Variants in FAM20C observed in about 807,000 individuals in gnomAD.
FAM20C encodes extracellular serine/threonine protein kinase FAM20C.
In FAM20C, 40 loss-of-function variants were observed where a neutral mutation model predicts 51.5. That is an observed-to-expected ratio of 0.78 (90% CI 0.60 to 1.01). FAM20C has a LOEUF of 1.01. Among genes scored for constraint, FAM20C ranks in the 50% least tolerant of loss-of-function variants. The pLI, the probability that FAM20C is intolerant of heterozygous loss-of-function variation, is 0.00. For synonymous variants in FAM20C, 406 were observed against 380.6 expected, an observed-to-expected ratio of 1.07 and a Z score of -0.78; for missense variants, 861 against 844.7, an observed-to-expected ratio of 1.02 and a Z score of -0.24.
At chr7:220,799 C>T (rs1197246964) in intron 3 of FAM20C, among the ~76,000 whole-genome samples, 1 of 152,184 alleles carries the variant, frequency 6.6e-6, no homozygotes, top group Non-Finnish European at 1.5e-5. Context: ...AGGCCTGGGG[C>T]GGTCAGCTGC....
At chr7:251,074 C>T (rs913434515) in intron 5 of FAM20C, among the ~76,000 whole-genome samples, 3 of 152,222 alleles carry the variant, frequency 2.0e-5, no homozygotes, top group South Asian at 2.1e-4. Flanking sequence ...GCAGCATCTC[C>T]GGAACTCCTC....
At chr7:198,637 A>G (rs1785996113) in intron 2 of FAM20C, among the ~76,000 whole-genome samples, 1 of 152,200 alleles carries the variant, frequency 6.6e-6, no homozygotes, top group African/African-American at 2.4e-5. Context: ...TGCCTTTGTC[A>G]TCGAAATACC....
chr7:230,969 T>G (rs1169318107), intron 3 of FAM20C, among the ~76,000 whole-genome samples: 1 of 152,128 alleles, frequency 6.6e-6, no homozygotes, highest in Admixed American at 6.5e-5. Context: ...TCCCAGCTAC[T>G]CGGGAGGCTG....
chr7:194,335 G>A lies in FAM20C; in HGVS notation c.605+531G>A, dbSNP rs558788813. 2.5e-3 allele frequency among the ~76,000 whole-genome samples: 376 copies of A among 152,286 alleles called. 2 individuals carry two copies. The Middle Eastern group carries it at 0.034, about 14-fold the overall frequency. Reference sequence around the variant, plus strand: ...GGGCGGTGGGTGTGCTGGCTGCAAAGAGATGATGGCTCGATAAAGGGCGAG... The same window carrying A: ...GGGCGGTGGGTGTGCTGGCTGCAAAAAGATGATGGCTCGATAAAGGGCGAG... On this transcript the variant is annotated intron_variant, in intron 1 of 9. Transcript: ENST00000313766.
At chr7:222,010 GC>G (rs1309759538) in intron 3 of FAM20C, among the ~76,000 whole-genome samples, 2 of 96,734 alleles carry the variant, frequency 2.1e-5, no homozygotes, top group African/African-American at 7.5e-5. Flanking sequence ...AGGGCAGGGG[GC>G]TGCAGGAGCC....
At chr7:196,589 C>G (rs575870050) in intron 2 of FAM20C, among the ~76,000 whole-genome samples, 1 of 152,314 alleles carries the variant, frequency 6.6e-6, no homozygotes, top group Non-Finnish European at 1.5e-5. Flanking sequence ...GCAGGGCTTT[C>G]TTTGCGCTGT....
chr7:202,139 AGATG>A (rs1406520084), intron 2 of FAM20C, among the ~76,000 whole-genome samples: 1 of 152,236 alleles, frequency 6.6e-6, no homozygotes, highest in African/African-American at 2.4e-5. Flanking sequence ...AGAGCGTTCC[AGATG>A]GGGAGAACCT....
At chr7:200,733 C>T (rs1430986360) in intron 2 of FAM20C, among the ~76,000 whole-genome samples, 1 of 152,202 alleles carries the variant, frequency 6.6e-6, no homozygotes, top group Non-Finnish European at 1.5e-5. Flanking sequence ...GCGAAAGTGT[C>T]CTGAGGGTGG....
rs1788677453 is a variant in FAM20C at position 257,976 on chromosome 7, TAG to T, written c.1446-669_1446-668del. The stretch of plus-strand genomic sequence containing the variant: ...GACCCACTGCCTGAGGTGCTGGAGA[TAG>T]GCAGTGTGGACCCACTGCCTGGGGT... On this transcript the variant is annotated intron_variant, in intron 8 of 9. Transcript: ENST00000313766. Among the ~76,000 whole-genome samples the T allele has an allele frequency of 6.6e-5, 6 of 90,398 alleles. No homozygotes were observed. In the East Asian group the frequency reaches 1.3e-3, roughly 19 times the overall value. 59.3% of individuals were successfully genotyped at this position (90,398 alleles called of 152,430 possible). A position where few individuals can be genotyped will look rare whatever the true frequency, so the allele number is the denominator to read the frequency against.
At position 193,482 on chromosome 7, in the gene FAM20C, A is replaced by G. The variant is rs2115035114; in HGVS notation, c.283A>G (p.Ser95Gly). 1 of 1,498,846 alleles carries G rather than the reference A, an allele frequency of 6.7e-7. No homozygotes were observed. Among genetic ancestry groups the G allele is most frequent in the South Asian group, 1.3e-5 (1 of 79,836 alleles). The allele number at this position is 1,498,846 out of a possible 1,614,324, so 92.8% of individuals were successfully genotyped here. A position where few individuals can be genotyped will look rare whatever the true frequency, so the allele number is the denominator to read the frequency against. Reference sequence around the variant, plus strand: ...CACGCTCCGCATCCTGCAGGACTTCAGCTCCGACCCCTCCTCCAACCTCTC... The same window carrying G: ...CACGCTCCGCATCCTGCAGGACTTCGGCTCCGACCCCTCCTCCAACCTCTC... ...KHTLRILQDF[S>G]SDPSSNLSSH... Residue 95 changes from serine (S) to glycine (G), a missense_variant, in exon 1 of 10, where the codon AGC (serine) becomes GGC (glycine). Around this residue, in one of 3 missense-constraint regions of FAM20C, gnomAD observed 561 missense variants for 499.8 expected, o/e 1.12. Coordinates refer to ENST00000313766, the MANE Select transcript of FAM20C (RefSeq NM_020223.4).
chr7:215,225 A>T (rs1027958095), intron 3 of FAM20C, among the ~76,000 whole-genome samples: 1 of 71,716 alleles, frequency 1.4e-5, no homozygotes, highest in Non-Finnish European at 3.9e-5. Context: ...TAGAGGCTCC[A>T]GCTGGGGGGG....
intron 3 of FAM20C, among the ~76,000 whole-genome samples, chr7:240,742 C>G (rs992478401): frequency 1.3e-4 from 20 of 152,202 alleles, no homozygotes; most frequent in African/African-American, 4.8e-4. Context: ...GGGCCCTCTC[C>G]CCTTGAGTCC....
intron 3 of FAM20C, among the ~76,000 whole-genome samples, chr7:237,604 A>G (rs968023151): frequency 1.3e-5 from 2 of 151,668 alleles, no homozygotes; most frequent in Non-Finnish European, 1.5e-5. Context: ...TGATGGAGGT[A>G]ATGGTGATGG....
At chr7:206,885 C>T (rs1218609617) in intron 2 of FAM20C, among the ~76,000 whole-genome samples, 2 of 53,748 alleles carry the variant, frequency 3.7e-5, no homozygotes, top group Admixed American at 3.3e-4. Context: ...GCCCCGCACA[C>T]GTGTCCACTG....
At chr7:212,784 C>G (rs1411283566) in intron 3 of FAM20C, among the ~76,000 whole-genome samples, 7 of 152,264 alleles carry the variant, frequency 4.6e-5, no homozygotes, top group African/African-American at 1.7e-4. Flanking sequence ...TATTTACGTT[C>G]TTTTTTTAAA....
chr7:259,898 G>T lies in FAM20C; in HGVS notation c.1673G>T (p.Arg558Leu). 4 of 1,535,650 alleles carry T rather than the reference G, an allele frequency of 2.6e-6. No homozygotes were observed. Among genetic ancestry groups the T allele is most frequent in the Non-Finnish European group, 2.6e-6 (3 of 1,146,356 alleles). The change falls in exon 10 of 10, where the codon CGG (arginine) becomes CTG (leucine). Residue 558 changes from arginine (R) to leucine (L), a missense_variant. Coordinates refer to ENST00000313766, the MANE Select transcript of FAM20C (RefSeq NM_020223.4). Reference sequence around the variant, plus strand: ...CTCCGCGTCGTGCTAAAGGCCGTCCGGGACTGCGTGGAGAGGAACGGGCTC... The same window carrying T: ...CTCCGCGTCGTGCTAAAGGCCGTCCTGGACTGCGTGGAGAGGAACGGGCTC... ...RRLRVVLKAV[R>L]DCVERNGLHS...
At chr7:201,571 T>C (rs1786128704) in intron 2 of FAM20C, among the ~76,000 whole-genome samples, 1 of 152,224 alleles carries the variant, frequency 6.6e-6, no homozygotes, top group Non-Finnish European at 1.5e-5. Flanking sequence ...TCTGGGTTCT[T>C]CCTTCTAGAG....
At chr7:240,903 G>A (rs1787927975) in intron 3 of FAM20C, among the ~76,000 whole-genome samples, 1 of 152,172 alleles carries the variant, frequency 6.6e-6, no homozygotes, top group Non-Finnish European at 1.5e-5. Context: ...CGGGCGGAGG[G>A]CTGCGGGCTT....
intron 1 of FAM20C, among the ~76,000 whole-genome samples, chr7:194,772 GCC>G (rs1156926477): frequency 9.4e-5 from 11 of 117,504 alleles, no homozygotes; most frequent in East Asian, 4.3e-4. Flanking sequence ...GTGTATCCTA[GCC>G]CCCCACCCCG....
Sources: gnomAD v4.1 joint callset for allele counts (sites outside exome capture counted in the v4.1 genomes callset) on GRCh38, gnomAD v4.1.1 for gene constraint, gnomAD v4.1.1 regional missense constraint, MANE v1.5 for transcripts, NCBI Gene and HGNC (gene_info 2026-07-23, HGNC 2026-07-21) for gene names.